The following VGLL3 variants were observed in gnomAD, a reference collection of about 807,000 sequenced individuals.
VGLL3 encodes the protein vestigial like family member 3.
A neutral mutation model predicts 29.2 loss-of-function variants in VGLL3; 18 were observed. That is an observed-to-expected ratio of 0.62 (90% CI 0.43 to 0.91). VGLL3 has a LOEUF of 0.91. Ranked by LOEUF, VGLL3 falls within the 40% of genes least tolerant of loss-of-function variation. The pLI is 0.00. For missense variants in VGLL3, 440 were observed against 413.2 expected, an observed-to-expected ratio of 1.06 and a Z score of -0.56; for synonymous variants, 180 against 151.8, an observed-to-expected ratio of 1.19 and a Z score of -1.36.
intron 2 of VGLL3, among the ~76,000 whole-genome samples, chr3:86,972,135 G>A (rs75936562): frequency 0.024 from 3,607 of 152,218 alleles, 59 homozygotes; most frequent in Non-Finnish European, 0.032. Flanking sequence ...ATATGCATGC[G>A]CAAATGGGAA....
rs1236550969 is a variant in VGLL3, at chr3:86,939,653, AC to A, written c.*7370del. 2.0e-5 allele frequency: 3 copies of A among 152,878 alleles called. No individual in the cohort carries two copies. The highest frequency in any genetic ancestry group is 4.4e-5 in the Non-Finnish European group (3 of 68,608). 9.5% of individuals were successfully genotyped at this position (152,878 alleles called of 1,614,324 possible). A position where few individuals can be genotyped will look rare whatever the true frequency, so the allele number is the denominator to read the frequency against. Reference sequence around the variant, plus strand: ...AAACAAAACAAAACAAAACAAAAAAACAAAACAGAACAAAAACCTTGAGATG... The same window carrying A: ...AAACAAAACAAAACAAAACAAAAAAAAAAACAGAACAAAAACCTTGAGATG... On this transcript the variant is annotated 3_prime_UTR_variant, in exon 4 of 4. Coordinates refer to ENST00000398399, the MANE Select transcript of VGLL3 (RefSeq NM_016206.4).
chr3:86,965,728 C>T (rs916133197), intron 3 of VGLL3, among the ~76,000 whole-genome samples: 17 of 152,136 alleles, frequency 1.1e-4, no homozygotes, highest in Non-Finnish European at 1.5e-4. Context: ...AGGCAGATCA[C>T]AACTTCTAAC....
At chr3:86,962,563 AAAATTT>A in intron 3 of VGLL3, 4 of 972,872 alleles carry the variant, frequency 4.1e-6, no homozygotes, top group Non-Finnish European at 4.9e-6. Context: ...TTAAAAAACA[AAAATTT>A]AAATTTAAAT....
At chr3:86,955,541 C>T (rs755804908) in intron 3 of VGLL3, among the ~76,000 whole-genome samples, 2 of 152,008 alleles carry the variant, frequency 1.3e-5, no homozygotes, top group African/African-American at 2.4e-5. Flanking sequence ...AGGTGTGTGC[C>T]ACCCCGCCTG....
At position 86,941,283 on chromosome 3, in the gene VGLL3, T is replaced by C. The variant is rs1335377139; in HGVS notation, c.*5741A>G. The stretch of plus-strand genomic sequence containing the variant: ...AAATCAATTGTGTAAATAATCATTA[T>C]TAACTTTTGCTCTAGCCACGGCATA... On this transcript the variant is annotated 3_prime_UTR_variant, in exon 4 of 4. Transcript: ENST00000398399. The C allele has an allele frequency of 6.6e-6, 1 of 152,452 alleles. No homozygotes were observed. Among genetic ancestry groups the C allele is most frequent in the Non-Finnish European group, 1.5e-5 (1 of 67,932 alleles). The allele number at this position is 152,452 out of a possible 1,614,324, so 9.4% of individuals were successfully genotyped here. A position where few individuals can be genotyped will look rare whatever the true frequency, so the allele number is the denominator to read the frequency against.
At chr3:86,979,771 G>A (rs72916092) in intron 1 of VGLL3, among the ~76,000 whole-genome samples, 13,275 of 152,046 alleles carry the variant, frequency 0.087, 1,571 homozygotes, top group African/African-American at 0.26. Flanking sequence ...GTATAGACAT[G>A]TGTGTGCATA....
At position 86,943,504 on chromosome 3, in the gene VGLL3, T is replaced by C. The variant is rs1276263041; in HGVS notation, c.*3520A>G. ...AACTTTCATGTCAGTGCTTAGAATT[T>C]GGGTTTTTTTTTTAAAGTCTTATAA... On this transcript the variant is annotated 3_prime_UTR_variant, in exon 4 of 4. Coordinates refer to ENST00000398399, the MANE Select transcript of VGLL3 (RefSeq NM_016206.4). 1 of 152,130 alleles carries C rather than the reference T, an allele frequency of 6.6e-6. No individual in the cohort carries two copies. Among genetic ancestry groups the C allele is most frequent in the African/African-American group, 2.4e-5 (1 of 41,418 alleles). 9.4% of individuals were successfully genotyped at this position (152,130 alleles called of 1,614,324 possible).
intron 3 of VGLL3, among the ~76,000 whole-genome samples, chr3:86,959,622 A>T (rs1460573089): frequency 6.6e-6 from 1 of 152,160 alleles, no homozygotes; most frequent in African/African-American, 2.4e-5. Context: ...TTGGAGCATT[A>T]TTATATTTAG....
At chr3:86,954,315 AG>A (rs1340163263) in intron 3 of VGLL3, among the ~76,000 whole-genome samples, 1 of 152,188 alleles carries the variant, frequency 6.6e-6, no homozygotes, top group African/African-American at 2.4e-5. Context: ...AGGTGAGAAA[AG>A]TTCAGCCACC....
intron 3 of VGLL3, 130 bp downstream of exon 3, chr3:86,968,460 G>C (rs1705009876): frequency 9.6e-7 from 1 of 1,043,544 alleles, no homozygotes; most frequent in Admixed American, 2.9e-5. Flanking sequence ...ATTGCAAAAT[G>C]GCTAGGTTCC....
intron 3 of VGLL3, 89 bp downstream of exon 3, chr3:86,968,501 G>T: frequency 7.0e-7 from 1 of 1,422,752 alleles, no homozygotes; most frequent in Non-Finnish European, 9.4e-7. Flanking sequence ...TAACTTTACA[G>T]ATAAGAAAAA....
chr3:86,964,066 A>G (rs765959497), intron 3 of VGLL3, among the ~76,000 whole-genome samples: 7 of 152,236 alleles, frequency 4.6e-5, no homozygotes, highest in Non-Finnish European at 1.0e-4. Flanking sequence ...CCATGAATTA[A>G]GAATGCAGGA....
rs1406564993 is a variant in VGLL3, at chr3:86,941,738, C to A, written c.*5286G>T. 1.3e-5 allele frequency: 2 copies of A among 151,894 alleles called. No homozygotes were observed. Among genetic ancestry groups the A allele is most frequent in the East Asian group, 3.9e-4 (2 of 5,176 alleles). The allele number at this position is 151,894 out of a possible 1,614,324, so 9.4% of individuals were successfully genotyped here. ...GATACTTTAACAATAATGACGATTTCTGTAGGTTGTAAAAGTGTACATGGT... is the reference window on the plus strand; with the variant it reads ...GATACTTTAACAATAATGACGATTTATGTAGGTTGTAAAAGTGTACATGGT... On this transcript the variant is annotated 3_prime_UTR_variant, in exon 4 of 4. Transcript: ENST00000398399.
rs1704487424 is a variant in VGLL3 at position 86,945,432 on chromosome 3, A to G, written c.*1592T>C. ...TTATGTGGGTGGAGAGAAAAATGGG[A>G]GAAATTTGAAAAAACCTCTTTATAA... On this transcript the variant is annotated 3_prime_UTR_variant, in exon 4 of 4. Coordinates refer to ENST00000398399, the MANE Select transcript of VGLL3 (RefSeq NM_016206.4). 1 of 152,150 alleles carries G rather than the reference A, an allele frequency of 6.6e-6. No homozygotes were observed. The highest frequency in any genetic ancestry group is 6.5e-5 in the Admixed American group (1 of 15,274). The allele number at this position is 152,150 out of a possible 1,614,324, so 9.4% of individuals were successfully genotyped here. A position where few individuals can be genotyped will look rare whatever the true frequency, so the allele number is the denominator to read the frequency against.
At chr3:86,982,477 T>A (rs1288988359) in intron 1 of VGLL3, among the ~76,000 whole-genome samples, 1 of 151,970 alleles carries the variant, frequency 6.6e-6, no homozygotes, top group Non-Finnish European at 1.5e-5. Flanking sequence ...CTAAGTATTT[T>A]GCTCATAAGC....
chr3:86,949,925 G>A (rs1704584081), intron 3 of VGLL3, among the ~76,000 whole-genome samples: 1 of 151,952 alleles, frequency 6.6e-6, no homozygotes. Flanking sequence ...GAAAAATTAA[G>A]AGTCAACAAG....
At chr3:86,957,939 C>A (rs1438115434) in intron 3 of VGLL3, among the ~76,000 whole-genome samples, 1 of 152,152 alleles carries the variant, frequency 6.6e-6, no homozygotes, top group Non-Finnish European at 1.5e-5. Context: ...TCAATACCTG[C>A]AGCCCCAAAA....
chr3:86,953,202 A>G (rs956950032), intron 3 of VGLL3, among the ~76,000 whole-genome samples: 11 of 152,202 alleles, frequency 7.2e-5, no homozygotes, highest in Non-Finnish European at 1.2e-4. Context: ...AAAAGCCTAC[A>G]TAATATCACC....
intron 3 of VGLL3, among the ~76,000 whole-genome samples, chr3:86,947,956 T>C (rs78786397): frequency 0.015 from 2,243 of 152,240 alleles, 46 homozygotes; most frequent in African/African-American, 0.05. Flanking sequence ...ATTTTGTTTT[T>C]TTTTTCTTTC....
Sources: gnomAD v4.1 joint callset for allele counts (sites outside exome capture counted in the v4.1 genomes callset) on GRCh38, gnomAD v4.1.1 for gene constraint, MANE v1.5 for transcripts, NCBI Gene and HGNC (gene_info 2026-07-23, HGNC 2026-07-21) for gene names.